Variants in UBR2 observed in about 807,000 individuals in gnomAD.
UBR2 encodes ubiquitin protein ligase E3 component n-recognin 2, also known as E3 ubiquitin-protein ligase UBR2.
In UBR2, 92 loss-of-function variants were observed where a neutral mutation model predicts 247.9. The ratio of observed to expected loss-of-function variants is 0.37; its 90% CI spans 0.31 to 0.44. UBR2 has a LOEUF of 0.44. UBR2 is among the 20% of genes least tolerant of loss of function. The pLI, the probability that UBR2 is intolerant of heterozygous loss-of-function variation, is 1.00. For missense variants in UBR2, 1,613 were observed against 2,112.6 expected, an observed-to-expected ratio of 0.76 and a Z score of 4.64; for synonymous variants, 672 against 693.5, an observed-to-expected ratio of 0.97 and a Z score of 0.49.
At chr6:42,617,886 C>T (rs139644017) in intron 11 of UBR2, among the ~76,000 whole-genome samples, 1 of 152,304 alleles carries the variant, frequency 6.6e-6, no homozygotes, top group Non-Finnish European at 1.5e-5. Flanking sequence ...AGAAGTCCTC[C>T]TCCCACCTCC....
rs544560524 is a variant in UBR2, at chr6:42,602,014, C to T, written c.532-1574C>T. On this transcript the variant is annotated intron_variant, in intron 4 of 46. Coordinates refer to ENST00000372901, the MANE Select transcript of UBR2 (RefSeq NM_001363705.2). Reference sequence around the variant, plus strand: ...CCTCCTAAGTAGCTGGGATTACAGGCACCACCACCACACTCAACTAACTTT... The same window carrying T: ...CCTCCTAAGTAGCTGGGATTACAGGTACCACCACCACACTCAACTAACTTT... 3.2e-4 allele frequency among the ~76,000 whole-genome samples: 30 copies of T among 95,052 alleles called. 3 individuals carry two copies. The highest frequency in any genetic ancestry group is 0.011 in the Middle Eastern group (2 of 180). The allele number at this position is 95,052 out of a possible 152,430, so 62.4% of individuals were successfully genotyped here. A position where few individuals can be genotyped will look rare whatever the true frequency, so the allele number is the denominator to read the frequency against.
At chr6:42,644,791 G>T (rs1399454170) in intron 20 of UBR2, among the ~76,000 whole-genome samples, 1 of 152,158 alleles carries the variant, frequency 6.6e-6, no homozygotes, top group Non-Finnish European at 1.5e-5. Flanking sequence ...TTGCGAGGTG[G>T]TGGTAGGGGG....
In UBR2 at chr6:42,629,681, G is replaced by C. The variant is rs563964732; in HGVS notation, c.1282-2871G>C. 3.3e-5 allele frequency among the ~76,000 whole-genome samples: 5 copies of C among 151,980 alleles called. No homozygotes were observed. In the East Asian group the frequency reaches 9.7e-4, roughly 30 times the overall value. On this transcript the variant is annotated intron_variant, in intron 11 of 46. Coordinates refer to ENST00000372901, the MANE Select transcript of UBR2 (RefSeq NM_001363705.2). ...CAAAAAAATATATATAATTTTTTAG[G>C]GTAAGTGTTAAGTACAAGAAATATA...
intron 1 of UBR2, among the ~76,000 whole-genome samples, chr6:42,567,718 G>A (rs6935484): frequency 0.29 from 44,508 of 151,842 alleles, 6,594 homozygotes; most frequent in Non-Finnish European, 0.32. Flanking sequence ...GACAGAGCGG[G>A]ACCCCATCTT....
intron 30 of UBR2, among the ~76,000 whole-genome samples, chr6:42,660,136 T>G (rs1372859050): frequency 6.6e-6 from 1 of 152,214 alleles, no homozygotes; most frequent in East Asian, 1.9e-4. Context: ...TTTCCATCCT[T>G]CAGTACACTT....
chr6:42,652,275 A>T (rs1242755222), intron 24 of UBR2, among the ~76,000 whole-genome samples: 1 of 152,184 alleles, frequency 6.6e-6, no homozygotes, highest in South Asian at 2.1e-4. Context: ...GTTATCTCAG[A>T]TCTTAAGACC....
At position 42,689,670 on chromosome 6, in the gene UBR2, G is replaced by A; in HGVS notation, c.5126G>A (p.Arg1709Lys). The change falls in exon 46 of 47, where the codon AGA (arginine) becomes AAA (lysine). Residue 1709 changes from arginine to lysine, a missense_variant and splice_region_variant. By Grantham distance (26) the Arg-to-Lys change is conservative (BLOSUM62 2). Transcript: ENST00000372901. This position sits in a 1 kb window ranked among gnomAD's most constrained non-coding sequence, Gnocchi z 4.0. ...TATGGGGAGACCGACCAGGGACTCA[G>A]GTAAGAACCCATCCTGAGTTAGCTA... ...DDYGETDQGL[R>K]RGNPLHLCKE... 6.2e-7 allele frequency: 1 copy of A among 1,613,822 alleles called. No homozygotes were observed. The highest frequency in any genetic ancestry group is 8.5e-7 in the Non-Finnish European group (1 of 1,179,768).
At chr6:42,632,958 C>A in intron 13 of UBR2, 54 bp downstream of exon 13, 10 of 645,524 alleles carry the variant, frequency 1.5e-5, no homozygotes, top group Non-Finnish European at 2.1e-5. Context: ...TCTCTTTTCT[C>A]TTTTTTTTTT....
At chr6:42,596,645 C>T (rs1011511806) in intron 4 of UBR2, among the ~76,000 whole-genome samples, 5 of 152,078 alleles carry the variant, frequency 3.3e-5, no homozygotes, top group African/African-American at 4.8e-5. Context: ...GAATATTTTT[C>T]GTCCATAAAA....
chr6:42,572,953 G>C lies in UBR2; in HGVS notation c.79-781G>C, dbSNP rs575956166. Among the ~76,000 whole-genome samples, 5 of 152,140 alleles carry C rather than the reference G, an allele frequency of 3.3e-5. 1 individual carries two copies. Among genetic ancestry groups the C allele is most frequent in the Middle Eastern group, 6.8e-3 (2 of 292 alleles). Reference sequence around the variant, plus strand: ...CTCCTGACCTCAGGTGATCTGCTTGGCCTGGCCTCCCAAAGTGCTGGGAAG... The same window carrying C: ...CTCCTGACCTCAGGTGATCTGCTTGCCCTGGCCTCCCAAAGTGCTGGGAAG... On this transcript the variant is annotated intron_variant, in intron 1 of 46. Transcript: ENST00000372901.
intron 13 of UBR2, 58 bp downstream of exon 13, chr6:42,632,962 T>C (rs1795848853): frequency 3.6e-5 from 40 of 1,121,210 alleles, no homozygotes; most frequent in Non-Finnish European, 4.1e-5. Context: ...TTTTCTCTTT[T>C]TTTTTTTTTT....
intron 44 of UBR2, among the ~76,000 whole-genome samples, chr6:42,686,791 C>T (rs1330648406): frequency 4.0e-5 from 6 of 151,892 alleles, no homozygotes; most frequent in Admixed American, 6.6e-5. Flanking sequence ...GGCGGAGACG[C>T]TCCTCACTTC....
At chr6:42,580,547 A>ATTTT (rs35507530) in intron 2 of UBR2, among the ~76,000 whole-genome samples, 5 of 148,866 alleles carry the variant, frequency 3.4e-5, no homozygotes, top group African/African-American at 1.2e-4. Context: ...TTAATTGTAC[A>ATTTT]TTTTTTTTTT....
intron 20 of UBR2, 135 bp downstream of exon 20, chr6:42,644,671 C>A: frequency 1.5e-6 from 1 of 687,082 alleles, no homozygotes. Flanking sequence ...TGGAATATTT[C>A]TCTTTTTCTC....
intron 2 of UBR2, among the ~76,000 whole-genome samples, chr6:42,589,148 T>G (rs148585585): frequency 9.9e-5 from 15 of 152,218 alleles, no homozygotes; most frequent in African/African-American, 3.4e-4. Flanking sequence ...TATAAAAAAT[T>G]TTTGCAGAGA....
At chr6:42,593,889 A>G (rs184502877) in intron 3 of UBR2, among the ~76,000 whole-genome samples, 60 of 152,292 alleles carry the variant, frequency 3.9e-4, no homozygotes, top group African/African-American at 1.4e-3. Context: ...CATTATACCA[A>G]TTTAACCAAA....
At chr6:42,687,499 G>A (rs1799510562) in intron 44 of UBR2, among the ~76,000 whole-genome samples, 1 of 151,910 alleles carries the variant, frequency 6.6e-6, no homozygotes, top group Non-Finnish European at 1.5e-5. Flanking sequence ...GAGAAGAGAG[G>A]GAGAGGGAGA....
intron 2 of UBR2, among the ~76,000 whole-genome samples, chr6:42,591,537 A>G (rs1393551703): frequency 6.6e-6 from 1 of 152,190 alleles, no homozygotes; most frequent in African/African-American, 2.4e-5. Context: ...CAGTCAGGAT[A>G]TCTTATGGGC....
chr6:42,567,899 A>C (rs1248464365), intron 1 of UBR2, among the ~76,000 whole-genome samples: 2 of 151,910 alleles, frequency 1.3e-5, no homozygotes, highest in East Asian at 3.9e-4. Flanking sequence ...TAAAATAAAT[A>C]AGCTGGGTGT....
Sources: gnomAD v4.1 joint callset for allele counts (sites outside exome capture counted in the v4.1 genomes callset) on GRCh38, gnomAD v4.1.1 for gene constraint, Gnocchi (gnomAD v3.1) non-coding constraint, MANE v1.5 for transcripts, NCBI Gene and HGNC (gene_info 2026-07-23, HGNC 2026-07-21) for gene names.